Variants in ABI3BP observed in about 807,000 individuals in gnomAD.
The protein encoded by ABI3BP is ABI family member 3 binding protein.
In ABI3BP, 216 loss-of-function variants were observed where a neutral mutation model predicts 268.6. The ratio of observed to expected loss-of-function variants is 0.80; its 90% CI spans 0.72 to 0.90. The LOEUF (loss-of-function observed/expected upper bound fraction) is 0.90. Among genes scored for constraint, ABI3BP ranks in the 40% least tolerant of loss-of-function variants. ABI3BP has a pLI of 0.00. For missense variants in ABI3BP, 2,090 were observed against 2,182.4 expected, an observed-to-expected ratio of 0.96 and a Z score of 0.84; for synonymous variants, 730 against 730.0, an observed-to-expected ratio of 1.00 and a Z score of 0.00.
rs904859363 is a variant in ABI3BP at position 100,851,830 on chromosome 3, T to C, written c.1351+45A>G. On this transcript the variant is annotated intron_variant, in intron 15 of 67. Coordinates refer to ENST00000471714, the MANE Select transcript of ABI3BP (RefSeq NM_001375547.2). ...AACTAAAGGAAGAACCACCAAGTGT[T>C]GGAACACCTGGGATCCAAAGACAGA... The C allele has an allele frequency of 2.7e-6, 4 of 1,498,316 alleles. No homozygotes were observed. The African/African-American group carries it at 5.6e-5, about 21-fold the overall frequency. 92.8% of individuals were successfully genotyped at this position (1,498,316 alleles called of 1,614,324 possible).
At chr3:100,769,771 C>T (rs1485785872) in intron 62 of ABI3BP, among the ~76,000 whole-genome samples, 1 of 152,174 alleles carries the variant, frequency 6.6e-6, no homozygotes, top group Non-Finnish European at 1.5e-5. Context: ...CTCCAGGAAC[C>T]ATGGGTAGCA....
At chr3:100,947,175 C>A (rs1430726748) in intron 1 of ABI3BP, among the ~76,000 whole-genome samples, 1 of 151,954 alleles carries the variant, frequency 6.6e-6, no homozygotes, top group Non-Finnish European at 1.5e-5. Flanking sequence ...TATGCACATA[C>A]CTGATATATC....
rs190140224 is a variant in ABI3BP, at chr3:100,821,099, G to A, written c.2902C>T (p.Leu968Phe). 485 of 1,535,872 alleles carry A rather than the reference G, an allele frequency of 3.2e-4. No individual in the cohort carries two copies. In the East Asian group the frequency reaches 6.7e-3, roughly 21 times the overall value. ...PESKPVPTAE[L>F]KPVTLRTETW... ...TCAGTTCTGAGTGTAACAGGTTTGAGCTCCGCAGTAGGAACTGATCAAAAG... is the reference window on the plus strand; with the variant it reads ...TCAGTTCTGAGTGTAACAGGTTTGAACTCCGCAGTAGGAACTGATCAAAAG... The change falls in exon 39 of 68, where the codon CTC becomes TTC. Residue 968 changes from leucine to phenylalanine, a missense_variant. Physicochemically the swap from Leu to Phe is conservative, Grantham distance 22. Transcript: ENST00000471714.
intron 33 of ABI3BP, among the ~76,000 whole-genome samples, chr3:100,828,896 G>C (rs989599676): frequency 6.6e-6 from 1 of 152,038 alleles, no homozygotes; most frequent in Non-Finnish European, 1.5e-5. Context: ...GACTGCACAG[G>C]GATGCAGATG....
At chr3:100,869,330 G>GTTTTTTTTTTGTTTTTTTTTTTTTTTTTT (rs2099085751) in intron 9 of ABI3BP, among the ~76,000 whole-genome samples, 1 of 49,754 alleles carries the variant, frequency 2.0e-5, no homozygotes, top group Non-Finnish European at 3.4e-5. Flanking sequence ...CTTCTTTTTG[G>GTTTTTTTTTTGTTTTTTTTTTTTTTTTTT]TTTTTTTTTT....
chr3:100,799,013 T>G (rs2097442305), intron 51 of ABI3BP, among the ~76,000 whole-genome samples: 1 of 152,070 alleles, frequency 6.6e-6, no homozygotes, highest in Non-Finnish European at 1.5e-5. Flanking sequence ...TTTGAGGCCT[T>G]TTACTTTCCA....
At chr3:100,775,468 A>G (rs1431994781) in intron 59 of ABI3BP, 133 bp from the exon 60 acceptor site, 14 of 1,159,780 alleles carry the variant, frequency 1.2e-5, no homozygotes, top group Non-Finnish European at 1.7e-5. Context: ...TTGGAGAGAA[A>G]ACAAGACCTG....
At chr3:100,943,358 A>G (rs1214713084) in intron 1 of ABI3BP, among the ~76,000 whole-genome samples, 1 of 152,060 alleles carries the variant, frequency 6.6e-6, no homozygotes, top group Non-Finnish European at 1.5e-5. Flanking sequence ...CAAACACTTC[A>G]GTATGCATGC....
intron 22 of ABI3BP, among the ~76,000 whole-genome samples, chr3:100,840,597 C>T (rs1055046480): frequency 6.6e-6 from 1 of 152,062 alleles, no homozygotes; most frequent in Non-Finnish European, 1.5e-5. Flanking sequence ...ATGCAGAAGG[C>T]TTTAAATTCA....
chr3:100,789,381 AT>A, intron 56 of ABI3BP, 72 bp downstream of exon 56: 1 of 1,422,278 alleles, frequency 7.0e-7, no homozygotes, highest in East Asian at 2.5e-5. Flanking sequence ...CCTTTGGTGT[AT>A]TTGGCTATTT....
chr3:100,904,132 T>C (rs1561488616), intron 2 of ABI3BP, among the ~76,000 whole-genome samples: 1 of 152,178 alleles, frequency 6.6e-6, no homozygotes. Flanking sequence ...GAACCTTATA[T>C]TCATAACTTC....
chr3:100,808,355 G>T (rs1051771376), intron 49 of ABI3BP, 120 bp from the exon 50 acceptor site: 16 of 641,244 alleles, frequency 2.5e-5, no homozygotes, highest in Non-Finnish European at 3.8e-5. Context: ...AACAATGAAG[G>T]CTTCTAAAGA....
chr3:100,912,478 G>A (rs1333071076), intron 2 of ABI3BP, among the ~76,000 whole-genome samples: 1 of 151,530 alleles, frequency 6.6e-6, no homozygotes, highest in African/African-American at 2.4e-5. Flanking sequence ...ATGAAATAAG[G>A]TAATTATTTT....
chr3:100,804,713 TCCA>T, intron 51 of ABI3BP, 76 bp downstream of exon 51: 2 of 1,276,654 alleles, frequency 1.6e-6, no homozygotes, highest in Non-Finnish European at 2.3e-6. Flanking sequence ...TGACCTCACT[TCCA>T]CCAAGTCTCA....
intron 63 of ABI3BP, among the ~76,000 whole-genome samples, chr3:100,764,521 A>G (rs2096167992): frequency 6.6e-6 from 1 of 152,252 alleles, no homozygotes; most frequent in South Asian, 2.1e-4. Flanking sequence ...TAATAAGTGC[A>G]CTGTGAGAAG....
At chr3:100,880,705 C>G (rs1222785712) in intron 6 of ABI3BP, among the ~76,000 whole-genome samples, 1 of 152,166 alleles carries the variant, frequency 6.6e-6, no homozygotes, top group Non-Finnish European at 1.5e-5. Context: ...CCCACAGTAG[C>G]AGCAGCAGAC....
At chr3:100,800,357 T>A (rs1320653506) in intron 51 of ABI3BP, among the ~76,000 whole-genome samples, 1 of 152,012 alleles carries the variant, frequency 6.6e-6, no homozygotes, top group African/African-American at 2.4e-5. Context: ...AGAAAAAAAA[T>A]TTGAAGTGCT....
chr3:100,944,810 G>T (rs930877181), intron 1 of ABI3BP, among the ~76,000 whole-genome samples: 1 of 152,102 alleles, frequency 6.6e-6, no homozygotes. Flanking sequence ...AGACTGCAGG[G>T]AAATGGCTAA....
chr3:100,861,726 G>T (rs1045146277), intron 14 of ABI3BP, among the ~76,000 whole-genome samples: 2 of 150,800 alleles, frequency 1.3e-5, no homozygotes, highest in African/African-American at 4.9e-5. Flanking sequence ...GCTACAGTTT[G>T]CAAAAGAGGA....
Sources: allele counts gnomAD v4.1 joint callset (sites outside exome capture counted in the v4.1 genomes callset), GRCh38; gene constraint gnomAD v4.1.1; transcripts MANE v1.5; gene names NCBI Gene and HGNC (gene_info 2026-07-23, HGNC 2026-07-21).